KDELR2: variants seen among roughly 807,000 people sequenced by gnomAD.
KDELR2 encodes KDEL endoplasmic reticulum protein retention receptor 2.
In KDELR2, 15 loss-of-function variants were observed where a neutral mutation model predicts 23.9. The observed-to-expected ratio is 0.63, with a 90% CI of 0.42 to 0.97. The LOEUF is 0.97. KDELR2 is among the 50% of genes least tolerant of loss of function. The probability of loss-of-function intolerance (pLI) is 0.00; values close to 1 mark genes in which losing one functional copy is unlikely to be tolerated. For missense variants in KDELR2, 272 were observed against 254.6 expected (o/e 1.07, Z -0.46); for synonymous variants, 119 against 106.2 (o/e 1.12, Z -0.74).
At chr7:6,474,400 G>C in intron 1 of KDELR2, 116 bp from the exon 2 acceptor site, 1 of 681,534 alleles carries the variant, frequency 1.5e-6, no homozygotes. Context: ...CAAGGCCCAG[G>C]TCTAGGGATG....
chr7:6,477,075 T>G (rs978093595), intron 1 of KDELR2, among the ~76,000 whole-genome samples: 1 of 152,218 alleles, frequency 6.6e-6, no homozygotes. Context: ...GGAGAACACT[T>G]CTGAAGAATG....
At chr7:6,481,104 C>T (rs1452600381) in intron 1 of KDELR2, among the ~76,000 whole-genome samples, 2 of 152,238 alleles carry the variant, frequency 1.3e-5, no homozygotes, top group South Asian at 4.1e-4. Flanking sequence ...GGCGCAGTGG[C>T]TTACGCCTGT....
At chr7:6,475,612 T>C (rs762162410) in intron 1 of KDELR2, among the ~76,000 whole-genome samples, 11 of 152,204 alleles carry the variant, frequency 7.2e-5, no homozygotes, top group Non-Finnish European at 1.6e-4. Flanking sequence ...GAGCACTGCA[T>C]GGCACAGCCA....
At position 6,469,072 on chromosome 7, in the gene KDELR2, C is replaced by T. The variant is rs191584917; in HGVS notation, c.351+524G>A. Among the ~76,000 whole-genome samples, 477 of 152,012 alleles carry T rather than the reference C, an allele frequency of 3.1e-3. 4 individuals carry two copies. The highest frequency in any genetic ancestry group is 0.01 in the African/African-American group (434 of 41,470). ...GTTCACGCCATTCTCCTGCCTCAGC[C>T]TCCCCAGTAGCTGGGACTACAGGTG... is the stretch of plus-strand genomic sequence containing the variant. On this transcript the variant is annotated intron_variant, in intron 3 of 4. Coordinates refer to ENST00000258739, the MANE Select transcript of KDELR2 (RefSeq NM_006854.4).
chr7:6,465,372 G>A (rs953353623), intron 4 of KDELR2, among the ~76,000 whole-genome samples: 2 of 151,578 alleles, frequency 1.3e-5, no homozygotes, highest in Non-Finnish European at 2.9e-5. Flanking sequence ...TTTTAGTAGA[G>A]ACGGGGTTTC....
At chr7:6,482,778 T>A (rs1337578554) in intron 1 of KDELR2, among the ~76,000 whole-genome samples, 1 of 146,900 alleles carries the variant, frequency 6.8e-6, no homozygotes, top group Non-Finnish European at 1.5e-5. Context: ...AAGGGATTTT[T>A]AAGAAAGTTA....
chr7:6,466,527 A>G lies in KDELR2; in HGVS notation c.352-204T>C, dbSNP rs544412984. Among the ~76,000 whole-genome samples, 24 of 152,122 alleles carry G rather than the reference A, an allele frequency of 1.6e-4. No homozygotes were observed. In the South Asian group the frequency reaches 1.9e-3, roughly 12 times the overall value. ...CCAGTGATCGGTTTCATAGAAGACA[A>G]TTTTTCCACAGACCAGCAGGGTGGA... is the stretch of plus-strand genomic sequence containing the variant. On this transcript the variant is annotated intron_variant, in intron 3 of 4. Coordinates refer to ENST00000258739, the MANE Select transcript of KDELR2 (RefSeq NM_006854.4).
chr7:6,461,182 G>A lies in KDELR2; in HGVS notation c.*1959C>T, dbSNP rs1041571906. On this transcript the variant is annotated 3_prime_UTR_variant, in exon 5 of 5. Coordinates refer to ENST00000258739, the MANE Select transcript of KDELR2 (RefSeq NM_006854.4). Reference sequence around the variant, plus strand: ...ATACAAGGCCTTGGTTTCCAACGCCGGCGAGGATGAGGCCCAGTCCCACAC... The same window carrying A: ...ATACAAGGCCTTGGTTTCCAACGCCAGCGAGGATGAGGCCCAGTCCCACAC... The A allele has an allele frequency of 3.3e-4, 50 of 152,218 alleles. No homozygotes were observed. The highest frequency in any genetic ancestry group is 9.4e-4 in the African/African-American group (39 of 41,528). 9.4% of individuals were successfully genotyped at this position (152,218 alleles called of 1,614,324 possible).
chr7:6,464,741 T>C (rs200320325), intron 4 of KDELR2, among the ~76,000 whole-genome samples: 5,452 of 149,212 alleles, frequency 0.037, 282 homozygotes, highest in East Asian at 0.24. Flanking sequence ...TTTCTTTTTT[T>C]TTTTTTTTTT....
chr7:6,469,806 C>T lies in KDELR2; in HGVS notation c.193-52G>A, dbSNP rs1785588298. 2.0e-6 allele frequency: 3 copies of T among 1,467,698 alleles called. No individual in the cohort carries two copies. In the South Asian group the frequency reaches 4.0e-5, roughly 19 times the overall value. 90.9% of individuals were successfully genotyped at this position (1,467,698 alleles called of 1,614,324 possible). ...TGTCAATACCTTGCCACTGTTCCAG[C>T]ACCCCCCAGCTTTTTTAATCACCCA... On this transcript the variant is annotated intron_variant, in intron 2 of 4. Transcript: ENST00000258739.
At chr7:6,466,504 AGTGATCG>A (rs958208974) in intron 3 of KDELR2, among the ~76,000 whole-genome samples, 181 bp from the exon 4 acceptor site, 1 of 152,108 alleles carries the variant, frequency 6.6e-6, no homozygotes, top group African/African-American at 2.4e-5. Context: ...TTTTGACACC[AGTGATCG>A]GTTTCATAGA....
intron 1 of KDELR2, among the ~76,000 whole-genome samples, chr7:6,479,131 T>A (rs1420728055): frequency 6.6e-6 from 1 of 151,888 alleles, no homozygotes; most frequent in Non-Finnish European, 1.5e-5. Flanking sequence ...CATTGCAGCT[T>A]TCTTGAGAAT....
At chr7:6,469,954 G>T in intron 2 of KDELR2, 200 bp from the exon 3 acceptor site, 1 of 442,834 alleles carries the variant, frequency 2.3e-6, no homozygotes, top group Non-Finnish European at 4.0e-6. Context: ...CCAAAATTAG[G>T]ACACAGAATA....
chr7:6,476,193 C>T (rs1436256182), intron 1 of KDELR2, among the ~76,000 whole-genome samples: 1 of 152,212 alleles, frequency 6.6e-6, no homozygotes, highest in Non-Finnish European at 1.5e-5. Context: ...TAACTGTAGT[C>T]TCAGCCTATT....
rs777107746 is a variant in KDELR2 at position 6,463,100 on chromosome 7, G to A, written c.*41C>T. ...CTTTGCTGTGGTAAGAATTCTGTCC[G>A]AGCACCCTGAAGGACAGATGCTGGT... On this transcript the variant is annotated 3_prime_UTR_variant, in exon 5 of 5. Transcript: ENST00000258739. 31 of 1,613,968 alleles carry A rather than the reference G, an allele frequency of 1.9e-5. No individual in the cohort carries two copies. Among genetic ancestry groups the A allele is most frequent in the South Asian group, 1.4e-4 (13 of 91,072 alleles).
intron 2 of KDELR2, among the ~76,000 whole-genome samples, chr7:6,472,542 G>A (rs1158239895): frequency 6.6e-6 from 1 of 152,124 alleles, no homozygotes; most frequent in African/African-American, 2.4e-5. Context: ...TAGACAAGTG[G>A]GGACCTAACC....
rs1303851158 is a variant in KDELR2, at chr7:6,483,960, C to A, written c.91+7G>T. ...CGAGCCTCTCCGGGCCTTCCCCCGC[C>A]GCTCACCGGCGCAGGAGCGCGTCTT... On this transcript the variant is annotated splice_region_variant and intron_variant, in intron 1 of 4. Coordinates refer to ENST00000258739, the MANE Select transcript of KDELR2 (RefSeq NM_006854.4). The A allele has an allele frequency of 7.3e-6, 11 of 1,512,752 alleles. No homozygotes were observed. In the East Asian group the frequency reaches 3.1e-4, roughly 43 times the overall value. 93.7% of individuals were successfully genotyped at this position (1,512,752 alleles called of 1,614,324 possible).
At chr7:6,469,902 T>G in intron 2 of KDELR2, 148 bp from the exon 3 acceptor site, 1 of 661,776 alleles carries the variant, frequency 1.5e-6, no homozygotes, top group Non-Finnish European at 2.4e-6. Flanking sequence ...TATAGTAAAA[T>G]TCTCTTTTTT....
At chr7:6,483,850 G>C (rs958620762) in intron 1 of KDELR2, 117 bp downstream of exon 1, 9 of 776,676 alleles carry the variant, frequency 1.2e-5, no homozygotes, top group African/African-American at 9.3e-5. Context: ...GGCCGGCCGA[G>C]GGGGTGTGTC....
Sources: gnomAD v4.1 joint callset for allele counts (sites outside exome capture counted in the v4.1 genomes callset) on GRCh38, gnomAD v4.1.1 for gene constraint, MANE v1.5 for transcripts, NCBI Gene and HGNC (gene_info 2026-07-23, HGNC 2026-07-21) for gene names.